SCAPER: variants seen among roughly 807,000 people sequenced by gnomAD.
The protein encoded by SCAPER is S phase cyclin A-associated protein in the endoplasmic reticulum.
Under a neutral mutation model 182.2 loss-of-function variants are expected in SCAPER, and 98 were observed. The observed-to-expected ratio is 0.54, with a 90% confidence interval of 0.46 to 0.64. SCAPER has a LOEUF of 0.64. Ranked by LOEUF, SCAPER falls within the 30% of genes least tolerant of loss-of-function variation. The pLI, the probability that SCAPER is intolerant of heterozygous loss-of-function variation, is 0.00. For synonymous variants in SCAPER, 605 were observed against 564.6 expected, an observed-to-expected ratio of 1.07 and a Z score of -1.01; for missense variants, 1,432 against 1,690.0, an observed-to-expected ratio of 0.85 and a Z score of 2.68.
chr15:76,849,537 C>T (rs897627026), intron 4 of SCAPER, among the ~76,000 whole-genome samples: 1 of 152,148 alleles, frequency 6.6e-6, no homozygotes, highest in African/African-American at 2.4e-5. Flanking sequence ...GGAAACATCA[C>T]CCCAGAGCTG....
At chr15:76,623,831 A>G (rs2052328825) in intron 21 of SCAPER, among the ~76,000 whole-genome samples, 1 of 150,400 alleles carries the variant, frequency 6.6e-6, no homozygotes, top group African/African-American at 2.5e-5. Flanking sequence ...ATAGATGCAG[A>G]AGAAGTTTTC....
At chr15:76,837,415 G>GGGAA (rs1191133183) in intron 5 of SCAPER, among the ~76,000 whole-genome samples, 1 of 152,158 alleles carries the variant, frequency 6.6e-6, no homozygotes, top group Non-Finnish European at 1.5e-5. Flanking sequence ...ATGGTGGAAG[G>GGGAA]GGAAGTAAAC....
chr15:76,674,788 T>C (rs1225878608), intron 20 of SCAPER, among the ~76,000 whole-genome samples: 1 of 152,138 alleles, frequency 6.6e-6, no homozygotes, highest in Non-Finnish European at 1.5e-5. Flanking sequence ...GCTTAGACCT[T>C]TCCCTAATAC....
Position 76,726,148 on chromosome 15 carries a change from TATATATAA to T in SCAPER, c.2165+2439_2165+2446del, listed in dbSNP as rs1006935475. 3.7e-4 allele frequency among the ~76,000 whole-genome samples: 48 copies of T among 130,076 alleles called. 2 individuals carry two copies. Among genetic ancestry groups the T allele is most frequent in the Admixed American group, 7.1e-4 (9 of 12,744 alleles). 85.3% of individuals were successfully genotyped at this position (130,076 alleles called of 152,430 possible). On this transcript the variant is annotated intron_variant, in intron 17 of 31. Coordinates refer to ENST00000563290, the MANE Select transcript of SCAPER (RefSeq NM_020843.4). Reference sequence around the variant, plus strand: ...GAATATATATATATATATATATATATATATATAAAAAACTCTATAACCCAACAAGAAAA... The same window carrying T: ...GAATATATATATATATATATATATATAAAACTCTATAACCCAACAAGAAAA...
At position 76,804,639 on chromosome 15, in the gene SCAPER, A is replaced by G. The variant is rs1001838657; in HGVS notation, c.394-6T>C. On this transcript the variant is annotated splice_region_variant and splice_polypyrimidine_tract_variant and intron_variant, in intron 5 of 31. Transcript: ENST00000563290. ...TCCAGCATCATTAGCACCTCCTAAA[A>G]GAAACAAAACAAAAAAAAATTAAAT... 3 of 1,568,652 alleles carry G rather than the reference A, an allele frequency of 1.9e-6. No individual in the cohort carries two copies. The highest frequency in any genetic ancestry group is 2.7e-5 in the African/African-American group (2 of 73,286).
chr15:76,754,806 G>A (rs1040726115), intron 14 of SCAPER, among the ~76,000 whole-genome samples: 1 of 152,040 alleles, frequency 6.6e-6, no homozygotes, highest in Middle Eastern at 3.2e-3. Context: ...CCTTAGCTCT[G>A]CAAATTATTG....
intron 26 of SCAPER, among the ~76,000 whole-genome samples, chr15:76,422,162 A>G (rs1184296730): frequency 6.6e-6 from 1 of 152,132 alleles, no homozygotes; most frequent in Admixed American, 6.5e-5. Context: ...GAAGAAAGTC[A>G]CTGGTAGCTT....
At chr15:76,859,764 C>T (rs534271645) in intron 3 of SCAPER, among the ~76,000 whole-genome samples, 88 of 152,164 alleles carry the variant, frequency 5.8e-4, no homozygotes, top group Non-Finnish European at 4.1e-4. Flanking sequence ...CAGAGTCTCA[C>T]TCTGTCCCCC....
At chr15:76,652,124 A>G (rs2055105791) in intron 21 of SCAPER, among the ~76,000 whole-genome samples, 1 of 149,718 alleles carries the variant, frequency 6.7e-6, no homozygotes, top group African/African-American at 2.5e-5. Flanking sequence ...AAACATAACT[A>G]AAAATAAGGC....
In SCAPER at chr15:76,621,724, T is replaced by C. The variant is rs565089560; in HGVS notation, c.2711+40A>G. On this transcript the variant is annotated intron_variant, in intron 22 of 31. Coordinates refer to ENST00000563290, the MANE Select transcript of SCAPER (RefSeq NM_020843.4). ...TTGAGATACACTTTTGTTACAGGCA[T>C]AGACTGAAGAAAAGGAGAACTAAAA... 6 of 1,501,548 alleles carry C rather than the reference T, an allele frequency of 4.0e-6. No individual in the cohort carries two copies. The Admixed American group carries it at 7.4e-5, about 18-fold the overall frequency. The allele number at this position is 1,501,548 out of a possible 1,614,324, so 93.0% of individuals were successfully genotyped here.
At chr15:76,877,621 CGT>C (rs971306316) in intron 2 of SCAPER, among the ~76,000 whole-genome samples, 1 of 152,166 alleles carries the variant, frequency 6.6e-6, no homozygotes, top group African/African-American at 2.4e-5. Context: ...CATCGTCATT[CGT>C]GTGATATTCT....
intron 21 of SCAPER, among the ~76,000 whole-genome samples, chr15:76,636,549 C>T (rs2053620859): frequency 6.6e-6 from 1 of 151,982 alleles, no homozygotes; most frequent in Admixed American, 6.6e-5. Flanking sequence ...TGACCCAGTC[C>T]TTCAGGGAGC....
chr15:76,606,279 C>T lies in SCAPER; in HGVS notation c.2711+15485G>A, dbSNP rs573516979. Among the ~76,000 whole-genome samples the T allele has an allele frequency of 3.4e-3, 512 of 152,226 alleles. 5 individuals carry two copies. Among genetic ancestry groups the T allele is most frequent in the African/African-American group, 0.011 (474 of 41,514 alleles). On this transcript the variant is annotated intron_variant, in intron 22 of 31. Coordinates refer to ENST00000563290, the MANE Select transcript of SCAPER (RefSeq NM_020843.4). The stretch of plus-strand genomic sequence containing the variant: ...ATTTCTGCCTTCATTTCATTATTTA[C>T]CCAGTAGTCATTCAGGAGCAGGTTG...
chr15:76,502,759 T>C (rs2041251370), intron 24 of SCAPER, among the ~76,000 whole-genome samples: 1 of 152,150 alleles, frequency 6.6e-6, no homozygotes, highest in Admixed American at 6.5e-5. Context: ...TGGCTTAAAG[T>C]GAGATGAAGG....
At position 76,687,213 on chromosome 15, in the gene SCAPER, G is replaced by A. The variant is rs117716290; in HGVS notation, c.2508+14545C>T. On this transcript the variant is annotated intron_variant, in intron 20 of 31. Transcript: ENST00000563290. ...GGATTTAAATGAACAAAAACCAATC[G>A]GATAAAAAAGTAAGATTTACATGAT... Among the ~76,000 whole-genome samples, 27 of 151,734 alleles carry A rather than the reference G, an allele frequency of 1.8e-4. No individual in the cohort carries two copies. In the South Asian group the frequency reaches 2.5e-3, roughly 14 times the overall value.
chr15:76,517,352 CTTT>C (rs780568492), intron 23 of SCAPER, among the ~76,000 whole-genome samples: 5 of 138,444 alleles, frequency 3.6e-5, no homozygotes, highest in Admixed American at 7.3e-5. Context: ...ATATTAACAT[CTTT>C]TTTTTTTTTT....
Position 76,728,711 on chromosome 15 carries a change from C to T in SCAPER, c.2049G>A (p.Glu683=). Residue 683 remains glutamate, a synonymous_variant, in exon 17 of 32, where the codon GAG becomes GAA. Coordinates refer to ENST00000563290, the MANE Select transcript of SCAPER (RefSeq NM_020843.4). ...ACAATTCTTCTACACGGGCCTGCCG[C>T]TCTGCCTCTAGAGCTCTCTTGCGTT... is the stretch of plus-strand genomic sequence containing the variant. The part of the protein sequence containing the change: ...VQERKRALEA[E]RQARVEELLM... 6.2e-7 allele frequency: 1 copy of T among 1,613,374 alleles called. No homozygotes were observed. The highest frequency in any genetic ancestry group is 1.1e-5 in the South Asian group (1 of 91,026).
chr15:76,568,040 G>A (rs564346464), intron 23 of SCAPER, among the ~76,000 whole-genome samples: 27 of 151,872 alleles, frequency 1.8e-4, no homozygotes, highest in African/African-American at 4.6e-4. Context: ...TGTTTATGAT[G>A]TGAGATAGAA....
chr15:76,566,495 T>C (rs1256745752), intron 23 of SCAPER, among the ~76,000 whole-genome samples: 1 of 152,146 alleles, frequency 6.6e-6, no homozygotes, highest in Non-Finnish European at 1.5e-5. Flanking sequence ...TGTTTACTTA[T>C]AGTAACAGCA....
Sources: allele counts gnomAD v4.1 joint callset (sites outside exome capture counted in the v4.1 genomes callset), GRCh38; gene constraint gnomAD v4.1.1; transcripts MANE v1.5; gene names NCBI Gene and HGNC (gene_info 2026-07-23, HGNC 2026-07-21).